SZT2: variants seen among roughly 807,000 people sequenced by gnomAD.
SZT2 encodes the protein KICSTOR complex protein SZT2.
SZT2 carries 216 observed loss-of-function variants against 404.2 expected under a neutral mutation model. The ratio of observed to expected loss-of-function variants is 0.53; its 90% CI spans 0.48 to 0.60. The LOEUF (loss-of-function observed/expected upper bound fraction) is 0.60. Among genes scored for constraint, SZT2 ranks in the 20% least tolerant of loss-of-function variants. SZT2 has a pLI of 0.00. For missense variants in SZT2, 3,857 were observed against 4,459.2 expected (o/e 0.86, Z 3.85); for synonymous variants, 1,693 against 1,749.9 (o/e 0.97, Z 0.81).
chr1:43,447,066 C>T lies in SZT2; in HGVS notation c.9184C>T (p.His3062Tyr), dbSNP rs1272742145. ...RLVHQHVLGAHLVLRHGYHLT... is the reference protein window; with the variant it reads ...RLVHQHVLGAYLVLRHGYHLT... The stretch of plus-strand genomic sequence containing the variant: ...CGTGCATCAGCACGTGCTAGGTGCC[C>T]ATCTGGTGCTGCGGCACGGCTACCA... The change falls in exon 66 of 72, where the codon CAT becomes TAT. Residue 3062 changes from histidine to tyrosine, a missense_variant. Transcript: ENST00000634258. 6.2e-7 allele frequency: 1 copy of T among 1,613,838 alleles called. No homozygotes were observed. Among genetic ancestry groups the T allele is most frequent in the Non-Finnish European group, 8.5e-7 (1 of 1,180,018 alleles).
Position 43,452,238 on chromosome 1 carries a change from C to T in SZT2, c.*1758C>T, listed in dbSNP as rs1476225177. 1.4e-5 allele frequency: 22 copies of T among 1,613,952 alleles called. No individual in the cohort carries two copies. Among genetic ancestry groups the T allele is most frequent in the Non-Finnish European group, 1.9e-5 (22 of 1,179,916 alleles). On this transcript the variant is annotated 3_prime_UTR_variant, in exon 72 of 72. Coordinates refer to ENST00000634258, the MANE Select transcript of SZT2 (RefSeq NM_001365999.1). Reference sequence around the variant, plus strand: ...AAACCCCAGCTGCATGCCTCAGGTTCTCCAGAAAAACGGCCTCCATCTCAG... The same window carrying T: ...AAACCCCAGCTGCATGCCTCAGGTTTTCCAGAAAAACGGCCTCCATCTCAG...
intron 5 of SZT2, 96 bp downstream of exon 5, chr1:43,415,309 G>C: frequency 6.7e-7 from 1 of 1,483,010 alleles, no homozygotes; most frequent in South Asian, 1.3e-5. Context: ...GGGCAAAAAA[G>C]GGCTAAGAGC....
chr1:43,401,660 A>G (rs950679913), intron 1 of SZT2, among the ~76,000 whole-genome samples: 1 of 151,458 alleles, frequency 6.6e-6, no homozygotes, highest in East Asian at 2.0e-4. Context: ...TAATTTTTGT[A>G]TTTTTAGTAG....
In SZT2 at chr1:43,448,287, G is replaced by A. The variant is rs752091934; in HGVS notation, c.9772G>A (p.Ala3258Thr). 6.4e-7 allele frequency: 1 copy of A among 1,561,352 alleles called. No individual in the cohort carries two copies. The highest frequency in any genetic ancestry group is 1.2e-5 in the South Asian group (1 of 85,536). Residue 3258 changes from alanine to threonine, a missense_variant, in exon 69 of 72, where the codon GCA (alanine) becomes ACA (threonine). By Grantham distance (58) the Ala-to-Thr change is moderately conservative. Coordinates refer to ENST00000634258, the MANE Select transcript of SZT2 (RefSeq NM_001365999.1). This position sits in a 1 kb window ranked among gnomAD's most constrained non-coding sequence, Gnocchi z 4.2. ...FPPLAAEVGMARARLAQLVRL... is the reference protein window; with the variant it reads ...FPPLAAEVGMTRARLAQLVRL... ...ACCACTGGCTGCAGAGGTGGGCATGGCACGAGCACGGCTGGCTCAGCTGGT... is the reference window on the plus strand; with the variant it reads ...ACCACTGGCTGCAGAGGTGGGCATGACACGAGCACGGCTGGCTCAGCTGGT...
rs373503507 is a variant in SZT2, at chr1:43,404,759, G to A, written c.498+209G>A. The A allele has an allele frequency of 1.5e-4, 73 of 481,812 alleles. 5 individuals carry two copies. Among genetic ancestry groups the A allele is most frequent in the Admixed American group, 9.6e-4 (24 of 25,082 alleles). 29.8% of individuals were successfully genotyped at this position (481,812 alleles called of 1,614,324 possible). On this transcript the variant is annotated intron_variant, in intron 4 of 71. Coordinates refer to ENST00000634258, the MANE Select transcript of SZT2 (RefSeq NM_001365999.1). ...TAAAGGGCTTTCCTATAGACTTCGGGTCAGTTGGTGTTGATTGGACACCTG... is the reference window on the plus strand; with the variant it reads ...TAAAGGGCTTTCCTATAGACTTCGGATCAGTTGGTGTTGATTGGACACCTG...
intron 4 of SZT2, among the ~76,000 whole-genome samples, chr1:43,411,769 CTTTTTTTTTTTTTTT>C (rs386366817): frequency 1.4e-5 from 1 of 74,046 alleles, no homozygotes. Context: ...CATCCACTAT[CTTTTTTTTTTTTTTT>C]TTTTTTTTTT....
chr1:43,442,770 G>A lies in SZT2; in HGVS notation c.8152-49G>A, dbSNP rs1655209314. 6.5e-7 allele frequency: 1 copy of A among 1,545,670 alleles called. No individual in the cohort carries two copies. The highest frequency in any genetic ancestry group is 1.4e-5 in the African/African-American group (1 of 73,296). On this transcript the variant is annotated intron_variant, in intron 58 of 71. Transcript: ENST00000634258. The surrounding 1 kb of genome is among the most constrained non-coding windows in gnomAD (Gnocchi z 4.5). The stretch of plus-strand genomic sequence containing the variant: ...AGAGGAAGCCCTGGGATGAGAGAGA[G>A]GGTCCGAGGGCAAAGGCTATGAACC...
intron 36 of SZT2, among the ~76,000 whole-genome samples, 167 bp from the exon 37 acceptor site, chr1:43,432,105 C>T (rs1374345365): frequency 1.3e-5 from 2 of 152,242 alleles, no homozygotes; most frequent in Non-Finnish European, 2.9e-5. Context: ...CTGGTCACTG[C>T]TCCTGTTGAA....
chr1:43,452,978 T>C lies in SZT2; in HGVS notation c.*2498T>C. 6.2e-7 allele frequency: 1 copy of C among 1,606,528 alleles called. No homozygotes were observed. The highest frequency in any genetic ancestry group is 8.5e-7 in the Non-Finnish European group (1 of 1,176,006). Reference sequence around the variant, plus strand: ...AGCACCCTTGCAAGGAACACTCAACTTCCTGCCCATCAAGCAATGCCCACT... The same window carrying C: ...AGCACCCTTGCAAGGAACACTCAACCTCCTGCCCATCAAGCAATGCCCACT... On this transcript the variant is annotated 3_prime_UTR_variant, in exon 72 of 72. Coordinates refer to ENST00000634258, the MANE Select transcript of SZT2 (RefSeq NM_001365999.1).
At chr1:43,435,050 C>G in intron 41 of SZT2, 150 bp from the exon 42 acceptor site, 1 of 910,108 alleles carries the variant, frequency 1.1e-6, no homozygotes, top group Non-Finnish European at 1.7e-6. Flanking sequence ...GAGGCCTGAG[C>G]TTTGACCTCT....
Position 43,426,222 on chromosome 1 carries a change from A to G in SZT2, c.3043+71A>G. On this transcript the variant is annotated intron_variant, in intron 21 of 71. Coordinates refer to ENST00000634258, the MANE Select transcript of SZT2 (RefSeq NM_001365999.1). This position sits in a 1 kb window ranked among gnomAD's most constrained non-coding sequence, Gnocchi z 4.9. ...AAGCCTGGAAGTATTAGAAAATAAC[A>G]AACAGATGGGTCAGCAAGTGAGCAG... The G allele has an allele frequency of 6.4e-7, 1 of 1,552,372 alleles. No homozygotes were observed. The highest frequency in any genetic ancestry group is 8.8e-7 in the Non-Finnish European group (1 of 1,140,586).
intron 65 of SZT2, 120 bp downstream of exon 65, chr1:43,446,536 T>A (rs1655695699): frequency 6.7e-6 from 8 of 1,196,424 alleles, no homozygotes; most frequent in Non-Finnish European, 8.4e-6. Context: ...CAGTGATTGA[T>A]TCACTGCTAT....
intron 46 of SZT2, 126 bp from the exon 47 acceptor site, chr1:43,438,573 G>C: frequency 1.1e-6 from 1 of 874,138 alleles, no homozygotes; most frequent in Non-Finnish European, 1.8e-6. Context: ...GCTACCTCCA[G>C]AGCCAGCACT....
Position 43,442,103 on chromosome 1 carries a change from T to C in SZT2, c.7846T>C (p.Leu2616=), listed in dbSNP as rs776088687. The part of the protein sequence containing the change: ...RHLLLLGRNF[L]QWRRPTQQAA... ...TCTGCTGCTTCTGGGAAGGAACTTC[T>C]TGCAGTGGAGGAGACCAACACAGCA... The change falls in exon 56 of 72, where the codon TTG becomes CTG. Residue 2616 remains leucine, a synonymous_variant. Transcript: ENST00000634258. This position sits in a 1 kb window ranked among gnomAD's most constrained non-coding sequence, Gnocchi z 4.5. The C allele has an allele frequency of 6.2e-7, 1 of 1,610,866 alleles. No homozygotes were observed. The highest frequency in any genetic ancestry group is 2.2e-5 in the East Asian group (1 of 44,544).
intron 4 of SZT2, among the ~76,000 whole-genome samples, chr1:43,413,149 C>G (rs1232392855): frequency 2.0e-5 from 3 of 152,162 alleles, no homozygotes; most frequent in Non-Finnish European, 4.4e-5. Flanking sequence ...TACCTGTAAT[C>G]CCAGCACTTT....
intron 15 of SZT2, among the ~76,000 whole-genome samples, chr1:43,423,884 G>C (rs1371158665): frequency 6.6e-6 from 1 of 151,278 alleles, no homozygotes; most frequent in Non-Finnish European, 1.5e-5. Flanking sequence ...GGCTTAGCGG[G>C]GTATGAGTGG....
intron 59 of SZT2, 42 bp from the exon 60 acceptor site, chr1:43,443,146 G>A: frequency 1.2e-6 from 2 of 1,613,838 alleles, no homozygotes; most frequent in South Asian, 2.2e-5. Context: ...GAGGAAGGGA[G>A]TGACAATGCC....
At chr1:43,403,115 C>T in intron 1 of SZT2, 62 bp from the exon 2 acceptor site, 6 of 1,571,324 alleles carry the variant, frequency 3.8e-6, no homozygotes, top group Non-Finnish European at 5.2e-6. Flanking sequence ...GGACAGTGAT[C>T]TGTGTGTTCC....
In SZT2 at chr1:43,441,835, T is replaced by G; in HGVS notation, c.7742+17T>G. ...GCAGCATTTGTGAGTGTAGATCCTA[T>G]AGAATTGAAGGGAACTCCCCTAGAC... On this transcript the variant is annotated intron_variant, in intron 55 of 71. Coordinates refer to ENST00000634258, the MANE Select transcript of SZT2 (RefSeq NM_001365999.1). This position sits in a 1 kb window ranked among gnomAD's most constrained non-coding sequence, Gnocchi z 4.8. The G allele has an allele frequency of 6.4e-7, 1 of 1,574,338 alleles. No homozygotes were observed. Among genetic ancestry groups the G allele is most frequent in the Non-Finnish European group, 8.6e-7 (1 of 1,159,542 alleles).
Sources: allele counts gnomAD v4.1 joint callset (sites outside exome capture counted in the v4.1 genomes callset), GRCh38; gene constraint gnomAD v4.1.1; non-coding constraint Gnocchi (gnomAD v3.1); transcripts MANE v1.5; gene names NCBI Gene and HGNC (gene_info 2026-07-23, HGNC 2026-07-21).